API5: variants seen among roughly 807,000 people sequenced by gnomAD.
API5 encodes FIF.
API5 carries 6 observed loss-of-function variants against 71.9 expected under a neutral mutation model. That is an observed-to-expected ratio of 0.08 (90% confidence interval 0.05 to 0.16). The LOEUF (loss-of-function observed/expected upper bound fraction) is 0.16, where lower values mean the gene tolerates loss of function less well. Ranked by LOEUF, API5 falls within the 10% of genes least tolerant of loss-of-function variation. The pLI is 1.00. For missense variants in API5, 332 were observed against 612.8 expected, an observed-to-expected ratio of 0.54 and a Z score of 4.84; for synonymous variants, 189 against 221.3, an observed-to-expected ratio of 0.85 and a Z score of 1.30.
At position 43,339,827 on chromosome 11, in the gene API5, T is replaced by C. The variant is rs148230489; in HGVS notation, c.1493-2601T>C. On this transcript the variant is annotated intron_variant, in intron 13 of 13. Coordinates refer to ENST00000531273, the MANE Select transcript of API5 (RefSeq NM_001142930.2). ...AGGGACATTTTGTAGTCTAACCTGA[T>C]TTTCGAAATTGATTATTGATAATTT... 3.4e-3 allele frequency among the ~76,000 whole-genome samples: 514 copies of C among 152,326 alleles called. 3 individuals carry two copies. The highest frequency in any genetic ancestry group is 0.012 in the African/African-American group (480 of 41,580).
chr11:43,318,859 T>C (rs534220638), intron 2 of API5, 58 bp downstream of exon 2: 2 of 1,531,352 alleles, frequency 1.3e-6, no homozygotes, highest in African/African-American at 1.4e-5. Context: ...ATGTGGCTGA[T>C]ACAATTGGAG....
Position 43,344,514 on chromosome 11 carries a change from T to A in API5, c.*2004T>A, listed in dbSNP as rs569535094. ...GTCCCCTTATGCTTTTGAAATAAAT[T>A]TCCTTTTGTAATTTTGTTTTGTGTC... On this transcript the variant is annotated 3_prime_UTR_variant, in exon 14 of 14. Coordinates refer to ENST00000531273, the MANE Select transcript of API5 (RefSeq NM_001142930.2). 1.3e-5 allele frequency: 2 copies of A among 152,730 alleles called. No individual in the cohort carries two copies. The highest frequency in any genetic ancestry group is 3.9e-4 in the East Asian group (2 of 5,182). The allele number at this position is 152,730 out of a possible 1,614,324, so 9.5% of individuals were successfully genotyped here.
At chr11:43,331,403 G>C (rs1855251373) in intron 11 of API5, 1 of 153,402 alleles carries the variant, frequency 6.5e-6, no homozygotes, top group Admixed American at 6.5e-5. Context: ...TGGACAAGAA[G>C]CCTTACCAAT....
At chr11:43,318,540 TA>T in intron 1 of API5, 99 bp from the exon 2 acceptor site, 1 of 1,574,334 alleles carries the variant, frequency 6.4e-7, no homozygotes. Flanking sequence ...TTAGCCTGTG[TA>T]AAAATTTAAA....
At chr11:43,319,608 T>C (rs1436293473) in intron 2 of API5, among the ~76,000 whole-genome samples, 13 of 152,176 alleles carry the variant, frequency 8.5e-5, no homozygotes, top group Non-Finnish European at 2.9e-5. Context: ...TTGTAGGGTC[T>C]TGCCATGTTG....
At chr11:43,338,883 T>C (rs963027287) in intron 13 of API5, among the ~76,000 whole-genome samples, 1 of 152,042 alleles carries the variant, frequency 6.6e-6, no homozygotes, top group Admixed American at 6.6e-5. Flanking sequence ...TAGGGTGAAA[T>C]GTGCAGGCAT....
intron 5 of API5, among the ~76,000 whole-genome samples, chr11:43,323,201 G>A (rs11607472): frequency 0.079 from 12,015 of 151,612 alleles, 619 homozygotes; most frequent in Middle Eastern, 0.15. Flanking sequence ...TGCTTTGTAC[G>A]TAAAAAAGTA....
intron 1 of API5, 83 bp downstream of exon 1, chr11:43,312,279 A>C (rs1854500093): frequency 6.9e-7 from 1 of 1,459,750 alleles, no homozygotes; most frequent in African/African-American, 1.4e-5. Flanking sequence ...CCCCGGGCCG[A>C]GCGGGGGCTG....
At chr11:43,316,558 G>A (rs1184915237) in intron 1 of API5, among the ~76,000 whole-genome samples, 1 of 152,150 alleles carries the variant, frequency 6.6e-6, no homozygotes, top group African/African-American at 2.4e-5. Context: ...CAAACCACAG[G>A]AATGTAAAGT....
chr11:43,314,873 A>T lies in API5; in HGVS notation c.69+2677A>T, dbSNP rs116938230. Among the ~76,000 whole-genome samples, 25 of 152,336 alleles carry T rather than the reference A, an allele frequency of 1.6e-4. No individual in the cohort carries two copies. The East Asian group carries it at 4.6e-3, about 28-fold the overall frequency. ...TTTTAGGATATTGCTTGTAATTTTA[A>T]CTAACAAAGGCAAAAGCCACCTTAG... On this transcript the variant is annotated intron_variant, in intron 1 of 13. Transcript: ENST00000531273.
chr11:43,326,223 T>C (rs2092545858), intron 6 of API5, among the ~76,000 whole-genome samples: 2 of 152,206 alleles, frequency 1.3e-5, no homozygotes, highest in Non-Finnish European at 2.9e-5. Flanking sequence ...CTGGTATCAT[T>C]ACCTGCAAAA....
chr11:43,335,622 G>A (rs1855407193), intron 12 of API5, among the ~76,000 whole-genome samples: 4 of 152,136 alleles, frequency 2.6e-5, no homozygotes, highest in Admixed American at 1.3e-4. Flanking sequence ...TCACTTGCAT[G>A]TAAGTCTGTG....
intron 9 of API5, 168 bp downstream of exon 9, chr11:43,329,061 GC>G: frequency 1.5e-6 from 1 of 686,706 alleles, no homozygotes; most frequent in Non-Finnish European, 2.4e-6. Flanking sequence ...ACAGAAATGA[GC>G]CAGGCATGGT....
chr11:43,322,291 T>A (rs1187022593), intron 5 of API5, among the ~76,000 whole-genome samples, 155 bp downstream of exon 5: 1 of 152,186 alleles, frequency 6.6e-6, no homozygotes, highest in Non-Finnish European at 1.5e-5. Flanking sequence ...TTTTCTTAGA[T>A]TGAATTTAGC....
intron 13 of API5, 36 bp downstream of exon 13, chr11:43,336,030 G>T: frequency 1.2e-6 from 2 of 1,605,568 alleles, no homozygotes; most frequent in Non-Finnish European, 1.7e-6. Context: ...GAATATGAGA[G>T]ATTAGGCAGA....
At position 43,327,888 on chromosome 11, in the gene API5, TTTTCC is replaced by T. The variant is rs1275816764; in HGVS notation, c.945+18_945+22del. The T allele has an allele frequency of 6.3e-7, 1 of 1,586,508 alleles. No individual in the cohort carries two copies. The highest frequency in any genetic ancestry group is 1.1e-5 in the South Asian group (1 of 89,364). ...ATTTGATAAGTTATTGGTAAGAACT[TTTTCC>T]TTTCCTTATGGGATAGTCAGTATAT... On this transcript the variant is annotated intron_variant, in intron 8 of 13. Transcript: ENST00000531273.
At chr11:43,338,214 G>A (rs1327753603) in intron 13 of API5, among the ~76,000 whole-genome samples, 1 of 152,194 alleles carries the variant, frequency 6.6e-6, no homozygotes, top group East Asian at 1.9e-4. Flanking sequence ...AAAATTTGAA[G>A]CATTTGCTTG....
At chr11:43,320,974 C>G in intron 3 of API5, 60 bp downstream of exon 3, 1 of 1,438,334 alleles carries the variant, frequency 7.0e-7, no homozygotes, top group Non-Finnish European at 9.7e-7. Context: ...GAAATGTTGA[C>G]TCTGTTTTTA....
chr11:43,341,995 A>T (rs995333737), intron 13 of API5, among the ~76,000 whole-genome samples: 4 of 152,076 alleles, frequency 2.6e-5, no homozygotes, highest in South Asian at 2.1e-4. Context: ...AAAAAAAAAA[A>T]ATAGCCAAAC....
Sources: gnomAD v4.1 joint callset for allele counts (sites outside exome capture counted in the v4.1 genomes callset) on GRCh38, gnomAD v4.1.1 for gene constraint, MANE v1.5 for transcripts, NCBI Gene and HGNC (gene_info 2026-07-23, HGNC 2026-07-21) for gene names.